The following GOLGA6L1 variants were observed in gnomAD, a reference collection of about 807,000 sequenced individuals.
GOLGA6L1 encodes golgin A6 family like 1, also known as golgin subfamily A member 6-like protein 1.
A neutral mutation model predicts 23.6 loss-of-function variants in GOLGA6L1; 2 were observed. The ratio of observed to expected loss-of-function variants is 0.08; its 90% CI spans 0.03 to 0.27. The LOEUF (loss-of-function observed/expected upper bound fraction) is 0.27. Among genes scored for constraint, GOLGA6L1 ranks in the 10% least tolerant of loss-of-function variants. The pLI is 1.00. For synonymous variants in GOLGA6L1, 4 were observed against 49.8 expected, an observed-to-expected ratio of 0.08 and a Z score of 3.87; for missense variants, 15 against 172.9, an observed-to-expected ratio of 0.09 and a Z score of 5.12.
At chr15:23,130,953 G>C (rs2068221350) in intron 7 of GOLGA6L1, among the ~76,000 whole-genome samples, 1 of 100,590 alleles carries the variant, frequency 9.9e-6, no homozygotes, top group African/African-American at 3.5e-5. Flanking sequence ...ATGGCGTGAA[G>C]CCGGGGGGTG....
chr15:23,129,839 C>T lies in GOLGA6L1; in HGVS notation c.1614G>A (p.Lys538=). 3 of 1,474,544 alleles carry T rather than the reference C, an allele frequency of 2.0e-6. No individual in the cohort carries two copies. Among genetic ancestry groups the T allele is most frequent in the Non-Finnish European group, 2.8e-6 (3 of 1,085,674 alleles). 91.3% of individuals were successfully genotyped at this position (1,474,544 alleles called of 1,614,324 possible). Reference sequence around the variant, plus strand: ...GCATCATCTCCTCCTGCTCTCGTATCTTCTCCTCCTGCTCCCGTATCTTCT... The same window carrying T: ...GCATCATCTCCTCCTGCTCTCGTATTTTCTCCTCCTGCTCCCGTATCTTCT... The part of the protein sequence containing the change: ...QEEKIREQEE[K]IREQEEMMQE... The change falls in exon 8 of 9, where the codon AAG becomes AAA. Residue 538 remains lysine, a synonymous_variant. Transcript: ENST00000614055.
At position 23,127,635 on chromosome 15, in the gene GOLGA6L1, CAGG is replaced by C. The variant is rs1166594923; in HGVS notation, c.*1152_*1154del. On this transcript the variant is annotated 3_prime_UTR_variant, in exon 9 of 9. Coordinates refer to ENST00000614055, the MANE Select transcript of GOLGA6L1 (RefSeq NM_001001413.3). ...GCACACGCTACGCGGGAAGCTGAGG[CAGG>C]AGAATTGCTTGAACCCAGGAGGCAG... Among the ~76,000 whole-genome samples the C allele has an allele frequency of 2.7e-5, 4 of 150,144 alleles. No individual in the cohort carries two copies. Among genetic ancestry groups the C allele is most frequent in the Admixed American group, 2.0e-4 (3 of 15,068 alleles).
chr15:23,133,324 C>CT lies in GOLGA6L1; in HGVS notation c.493dup (p.Ser165LysfsTer5), dbSNP rs2068245569. ...AAACTTCCATGAATCATGCAGGCGG[C>CT]TGATCAGATCCCTGGCCTCTCCTGG... On this transcript the variant is annotated frameshift_variant, in exon 5 of 9. Coordinates refer to ENST00000614055, the MANE Select transcript of GOLGA6L1 (RefSeq NM_001001413.3). LOFTEE classifies it high-confidence loss of function. 2.0e-6 allele frequency: 1 copy of CT among 509,108 alleles called. No homozygotes were observed. The highest frequency in any genetic ancestry group is 3.2e-5 in the East Asian group (1 of 30,894). 31.5% of individuals were successfully genotyped at this position (509,108 alleles called of 1,614,324 possible). A position where few individuals can be genotyped will look rare whatever the true frequency, so the allele number is the denominator to read the frequency against.
chr15:23,136,735 C>T lies in GOLGA6L1; in HGVS notation c.-4G>A. ...GGGGTTGGGGCCACATCAGCATGAT[C>T]CAGGTGAGGACAAGTATATACCTCC... On this transcript the variant is annotated 5_prime_UTR_variant, in exon 1 of 9. Coordinates refer to ENST00000614055, the MANE Select transcript of GOLGA6L1 (RefSeq NM_001001413.3). 7.3e-6 allele frequency: 1 copy of T among 136,722 alleles called. No individual in the cohort carries two copies. Among genetic ancestry groups the T allele is most frequent in the Non-Finnish European group, 1.2e-5 (1 of 85,954 alleles). 8.5% of individuals were successfully genotyped at this position (136,722 alleles called of 1,614,324 possible). A position where few individuals can be genotyped will look rare whatever the true frequency, so the allele number is the denominator to read the frequency against.
rs2068261838 is a variant in GOLGA6L1, at chr15:23,136,718, G to GTAGGGAGGGGGGGAT, written c.13_14insATCCCCCCCTCCCTA (p.Pro5delinsHisProProLeuProThr). On this transcript the variant is annotated protein_altering_variant, in exon 1 of 9. Transcript: ENST00000614055. ...GGGATGGGTAGGGAGGTGGGGTTGGGGCCACATCAGCATGATCCAGGTGAG... is the reference window on the plus strand; with the variant it reads ...GGGATGGGTAGGGAGGTGGGGTTGGGTAGGGAGGGGGGGATGCCACATCAGCATGATCCAGGTGAG... The GTAGGGAGGGGGGGAT allele has an allele frequency of 4.7e-6, 1 of 213,562 alleles. No homozygotes were observed. The highest frequency in any genetic ancestry group is 7.4e-6 in the Non-Finnish European group (1 of 134,820). 13.2% of individuals were successfully genotyped at this position (213,562 alleles called of 1,614,324 possible).
rs2068170278 is a variant in GOLGA6L1, at chr15:23,127,517, ATCACCTGAG to A, written c.*1264_*1272del. 7.3e-6 allele frequency among the ~76,000 whole-genome samples: 1 copy of A among 137,124 alleles called. No homozygotes were observed. The highest frequency in any genetic ancestry group is 1.6e-5 in the Non-Finnish European group (1 of 61,784). The allele number at this position is 137,124 out of a possible 152,430, so 90.0% of individuals were successfully genotyped here. On this transcript the variant is annotated 3_prime_UTR_variant, in exon 9 of 9. Transcript: ENST00000614055. ...CACTTTGGGAGGCTGAGGCAGGTAGATCACCTGAGTCAGGAGCTCGAGACCAGCCTGGAA... is the reference window on the plus strand; with the variant it reads ...CACTTTGGGAGGCTGAGGCAGGTAGATCAGGAGCTCGAGACCAGCCTGGAA...
chr15:23,136,695 G>A lies in GOLGA6L1; in HGVS notation c.37C>T (p.Pro13Ser). The A allele has an allele frequency of 7.5e-6, 2 of 265,098 alleles. No homozygotes were observed. The highest frequency in any genetic ancestry group is 1.9e-4 in the Admixed American group (2 of 10,416). 16.4% of individuals were successfully genotyped at this position (265,098 alleles called of 1,614,324 possible). A position where few individuals can be genotyped will look rare whatever the true frequency, so the allele number is the denominator to read the frequency against. Residue 13 changes from proline to serine, a missense_variant, in exon 1 of 9, where the codon CCC becomes TCC. Pro to Ser is a moderately conservative substitution (Grantham distance 74, BLOSUM62 -1). Coordinates refer to ENST00000614055, the MANE Select transcript of GOLGA6L1 (RefSeq NM_001001413.3). ...MWPQPHLPTH[P>S]HLPTHPHLPT... is the part of the protein sequence containing the mutation. ...AGGTGGGGATGGGTAGGGAGGTGGG[G>A]ATGGGTAGGGAGGTGGGGTTGGGGC...
In GOLGA6L1 at chr15:23,130,321, TCTC is replaced by T. The variant is rs1448423721; in HGVS notation, c.1129_1131del (p.Glu377del). 12 of 282,936 alleles carry T rather than the reference TCTC, an allele frequency of 4.2e-5. 1 individual carries two copies. Among genetic ancestry groups the T allele is most frequent in the Admixed American group, 9.4e-5 (1 of 10,648 alleles). 17.5% of individuals were successfully genotyped at this position (282,936 alleles called of 1,614,324 possible). ...ATCTTCTCTTCCAGCTCCCGTATCTTCTCCTCCTTCTCCCACATCATCTCCTCC... is the reference window on the plus strand; with the variant it reads ...ATCTTCTCTTCCAGCTCCCGTATCTTCTCCTTCTCCCACATCATCTCCTCC... On this transcript the variant is annotated inframe_deletion, in exon 8 of 9. Transcript: ENST00000614055.
chr15:23,132,734 A>G (rs1185516512), intron 5 of GOLGA6L1, among the ~76,000 whole-genome samples: 2 of 144,924 alleles, frequency 1.4e-5, no homozygotes, highest in Non-Finnish European at 1.5e-5. Flanking sequence ...TTTTGAAAGG[A>G]TGATACGTTC....
At position 23,136,816 on chromosome 15, in the gene GOLGA6L1, C is replaced by T. The variant is rs2068262719; in HGVS notation, c.-85G>A. On this transcript the variant is annotated 5_prime_UTR_variant, in exon 1 of 9. The change creates a new upstream start codon in the 5' untranslated region. Coordinates refer to ENST00000614055, the MANE Select transcript of GOLGA6L1 (RefSeq NM_001001413.3). ...CAGAGGAGGCGTAACCAGGGCTGCA[C>T]TAGAATGCAGAATAGGGGTGTGGCC... 4 of 159,348 alleles carry T rather than the reference C, an allele frequency of 2.5e-5. No individual in the cohort carries two copies. Among genetic ancestry groups the T allele is most frequent in the Admixed American group, 2.0e-4 (1 of 5,048 alleles). 9.9% of individuals were successfully genotyped at this position (159,348 alleles called of 1,614,324 possible). A position where few individuals can be genotyped will look rare whatever the true frequency, so the allele number is the denominator to read the frequency against.
chr15:23,129,427 GC>G (rs2068181432), intron 8 of GOLGA6L1, 42 bp downstream of exon 8: 2 of 738,630 alleles, frequency 2.7e-6, no homozygotes, highest in Non-Finnish European at 4.3e-6. Context: ...TCGGCCTTCT[GC>G]CCCAGCTTCC....
intron 7 of GOLGA6L1, among the ~76,000 whole-genome samples, chr15:23,131,033 A>G (rs2068222512): frequency 7.2e-6 from 1 of 139,752 alleles, no homozygotes. Context: ...TACTTCTCAA[A>G]TAAATAAATA....
chr15:23,132,712 C>T (rs978758431), intron 5 of GOLGA6L1, among the ~76,000 whole-genome samples: 1 of 145,944 alleles, frequency 6.9e-6, no homozygotes, highest in African/African-American at 2.5e-5. Context: ...GGAAATTAAT[C>T]CTTTGTTGAA....
chr15:23,132,442 TTGTTATTAC>T (rs2068234117), intron 5 of GOLGA6L1, among the ~76,000 whole-genome samples: 1 of 148,380 alleles, frequency 6.7e-6, no homozygotes, highest in South Asian at 2.2e-4. Context: ...AATATTGTTA[TTGTTATTAC>T]TGTTAGTACT....
chr15:23,135,758 GAGGTGT>G (rs1284030647), intron 1 of GOLGA6L1, among the ~76,000 whole-genome samples: 4 of 27,542 alleles, frequency 1.5e-4, no homozygotes, highest in African/African-American at 4.6e-4. Flanking sequence ...GCTCATGGGG[GAGGTGT>G]AGGCTTTTCA....
rs2068244962 is a variant in GOLGA6L1, at chr15:23,133,274, AGAG to A, written c.541_543del (p.Leu181del). The A allele has an allele frequency of 1.8e-6, 1 of 552,810 alleles. No homozygotes were observed. The allele number at this position is 552,810 out of a possible 1,614,324, so 34.2% of individuals were successfully genotyped here. A position where few individuals can be genotyped will look rare whatever the true frequency, so the allele number is the denominator to read the frequency against. The stretch of plus-strand genomic sequence containing the variant: ...TTCTTCTTCTGTGTAGCGACAGCAG[AGAG>A]AGCCTGCTCTAACTCTCCTGCAAAC... On this transcript the variant is annotated inframe_deletion, in exon 5 of 9. Transcript: ENST00000614055.
intron 8 of GOLGA6L1, 33 bp downstream of exon 8, chr15:23,129,436 TC>T: frequency 1.3e-6 from 1 of 792,372 alleles, no homozygotes; most frequent in Non-Finnish European, 2.0e-6. Context: ...TGCCCCAGCT[TC>T]CCCAGCCTCT....
chr15:23,131,765 GC>G, intron 6 of GOLGA6L1, 36 bp downstream of exon 6: 1 of 69,078 alleles, frequency 1.4e-5, no homozygotes, highest in South Asian at 9.0e-5. Context: ...CATGCTAAGG[GC>G]CCCCAGACCT....
intron 5 of GOLGA6L1, among the ~76,000 whole-genome samples, chr15:23,132,550 C>T (rs1411857987): frequency 6.7e-6 from 1 of 149,378 alleles, no homozygotes; most frequent in Non-Finnish European, 1.5e-5. Context: ...GAGACGGTTA[C>T]CATTATTACC....
Sources: gnomAD v4.1 joint callset for allele counts (sites outside exome capture counted in the v4.1 genomes callset) on GRCh38, gnomAD v4.1.1 for gene constraint, MANE v1.5 for transcripts, NCBI Gene and HGNC (gene_info 2026-07-23, HGNC 2026-07-21) for gene names.